Variants in BCAS3 observed in about 807,000 individuals in gnomAD.
BCAS3 encodes BCAS3 microtubule associated cell migration factor.
In BCAS3, 53 loss-of-function variants were observed where a neutral mutation model predicts 116.1. The ratio of observed to expected loss-of-function variants is 0.46; its 90% CI spans 0.37 to 0.57. The LOEUF (loss-of-function observed/expected upper bound fraction) is 0.57. BCAS3 is among the 20% of genes least tolerant of loss of function. The pLI is 0.00. For missense variants in BCAS3, 917 were observed against 1,165.4 expected (o/e 0.79, Z 3.10); for synonymous variants, 391 against 408.2 (o/e 0.96, Z 0.51).
chr17:61,030,938 C>A lies in BCAS3; in HGVS notation c.1638-3728C>A, dbSNP rs559503983. On this transcript the variant is annotated intron_variant, in intron 16 of 23. Coordinates refer to ENST00000407086, the MANE Select transcript of BCAS3 (RefSeq NM_017679.5). ...GAGTCCATCGAGAGTATGTCTTGTTCTCATGTATAACCATTTTAAAAAAAA... is the reference window on the plus strand; with the variant it reads ...GAGTCCATCGAGAGTATGTCTTGTTATCATGTATAACCATTTTAAAAAAAA... Among the ~76,000 whole-genome samples, 39 of 151,596 alleles carry A rather than the reference C, an allele frequency of 2.6e-4. No homozygotes were observed. In the Middle Eastern group the frequency reaches 0.02, roughly 79 times the overall value.
chr17:61,087,953 C>T lies in BCAS3; in HGVS notation c.2425+3389C>T, dbSNP rs536980914. Among the ~76,000 whole-genome samples the T allele has an allele frequency of 2.0e-5, 3 of 152,122 alleles. No homozygotes were observed. The highest frequency in any genetic ancestry group is 4.1e-4 in the South Asian group (2 of 4,822). Reference sequence around the variant, plus strand: ...ATCCTAGCACTTTGGGAGGCCGAAGCGGTGGATCACTTGAGGTCAGGTGTT... The same window carrying T: ...ATCCTAGCACTTTGGGAGGCCGAAGTGGTGGATCACTTGAGGTCAGGTGTT... On this transcript the variant is annotated intron_variant, in intron 22 of 23. Coordinates refer to ENST00000407086, the MANE Select transcript of BCAS3 (RefSeq NM_017679.5). This position sits in a 1 kb window ranked among gnomAD's most constrained non-coding sequence, Gnocchi z 4.6.
At chr17:61,267,890 G>T (rs141301438) in intron 22 of BCAS3, among the ~76,000 whole-genome samples, 140 of 152,136 alleles carry the variant, frequency 9.2e-4, no homozygotes, top group African/African-American at 3.0e-3. Context: ...CCACGTCCGA[G>T]AACCTGTCCT....
At chr17:61,389,192 A>C (rs1363008682) in intron 23 of BCAS3, 2 of 157,970 alleles carry the variant, frequency 1.3e-5, no homozygotes, top group African/African-American at 4.8e-5. Flanking sequence ...GGGCTCACAG[A>C]GGAGTGGACA....
chr17:60,845,314 T>A (rs945003610), intron 7 of BCAS3, among the ~76,000 whole-genome samples: 5 of 152,220 alleles, frequency 3.3e-5, no homozygotes, highest in African/African-American at 1.2e-4. Flanking sequence ...GATAAAAGTT[T>A]GAACTTCATG....
intron 22 of BCAS3, among the ~76,000 whole-genome samples, chr17:61,298,210 A>G (rs951954253): frequency 2.6e-5 from 4 of 152,196 alleles, no homozygotes; most frequent in African/African-American, 9.7e-5. Context: ...AGGCCTGGAC[A>G]TCAGCAAAAC....
chr17:61,317,533 G>A (rs2054847388), intron 22 of BCAS3, among the ~76,000 whole-genome samples: 1 of 152,148 alleles, frequency 6.6e-6, no homozygotes. Flanking sequence ...GCAACATGGA[G>A]GGCTTCATTG....
At chr17:60,831,539 G>A (rs1196394458) in intron 7 of BCAS3, among the ~76,000 whole-genome samples, 2 of 152,198 alleles carry the variant, frequency 1.3e-5, no homozygotes, top group African/African-American at 2.4e-5. Flanking sequence ...GTTGTGACAA[G>A]TGGTTTTCTT....
intron 5 of BCAS3, among the ~76,000 whole-genome samples, chr17:60,733,118 T>C (rs2040625147): frequency 6.6e-6 from 1 of 152,224 alleles, no homozygotes; most frequent in Non-Finnish European, 1.5e-5. Context: ...TATACAATTA[T>C]ACATTTAACA....
chr17:60,976,226 G>A (rs1483396058), intron 14 of BCAS3, among the ~76,000 whole-genome samples: 3 of 150,452 alleles, frequency 2.0e-5, no homozygotes, highest in East Asian at 3.9e-4. Context: ...GGGTTTCACC[G>A]TGTTAGCCAG....
intron 22 of BCAS3, among the ~76,000 whole-genome samples, chr17:61,290,984 G>T (rs914956348): frequency 3.9e-5 from 6 of 152,116 alleles, no homozygotes; most frequent in Non-Finnish European, 7.4e-5. Context: ...GTTTCACCAT[G>T]TTAGCCAGGA....
intron 22 of BCAS3, among the ~76,000 whole-genome samples, chr17:61,218,565 C>T (rs1217723972): frequency 1.3e-5 from 2 of 152,178 alleles, no homozygotes; most frequent in African/African-American, 2.4e-5. Context: ...TGGATCTGCA[C>T]AGTTGCCTGC....
chr17:60,727,732 G>T (rs980752551), intron 5 of BCAS3, among the ~76,000 whole-genome samples: 5 of 151,598 alleles, frequency 3.3e-5, no homozygotes, highest in African/African-American at 1.2e-4. Context: ...TACAATCCAT[G>T]AACATACATT....
At position 61,041,412 on chromosome 17, in the gene BCAS3, T is replaced by C. The variant is rs924955082; in HGVS notation, c.2029+520T>C. 3.5e-4 allele frequency among the ~76,000 whole-genome samples: 54 copies of C among 152,158 alleles called. No homozygotes were observed. Among genetic ancestry groups the C allele is most frequent in the African/African-American group, 1.3e-3 (52 of 41,470 alleles). ...TTTAAGCGTGAGCATTTGTAGAGAC[T>C]GAACCAAGTTCATTGACCTAGATAA... On this transcript the variant is annotated intron_variant, in intron 19 of 23. Transcript: ENST00000407086. The surrounding 1 kb of genome is among the most constrained non-coding windows in gnomAD (Gnocchi z 4.7).
intron 22 of BCAS3, among the ~76,000 whole-genome samples, chr17:61,240,945 G>A (rs2047459455): frequency 6.6e-6 from 1 of 152,170 alleles, no homozygotes; most frequent in African/African-American, 2.4e-5. Flanking sequence ...AAATAGTTTA[G>A]GCTTTTGATT....
chr17:61,268,411 A>T (rs1156881745), intron 22 of BCAS3, among the ~76,000 whole-genome samples: 1 of 152,108 alleles, frequency 6.6e-6, no homozygotes, highest in Admixed American at 6.6e-5. Context: ...ATTATTTTTT[A>T]AATTGTCATA....
intron 10 of BCAS3, chr17:60,899,789 C>T (rs1393872618): frequency 1.3e-5 from 2 of 152,222 alleles, no homozygotes; most frequent in Non-Finnish European, 2.9e-5. Flanking sequence ...AGCCACCACT[C>T]CAGGCCCCTG....
rs766825852 is a variant in BCAS3 at position 60,960,765 on chromosome 17, CCTT to C, written c.1221+13423_1221+13425del. ...TGGAATTTTGCAAGTCCAGTAGCTG[CCTT>C]CTTCTTCTTTTTCTTTTTTTTTTTT... On this transcript the variant is annotated intron_variant, in intron 14 of 23. Transcript: ENST00000407086. This position sits in a 1 kb window ranked among gnomAD's most constrained non-coding sequence, Gnocchi z 4.1. Among the ~76,000 whole-genome samples the C allele has an allele frequency of 8.6e-5, 13 of 151,736 alleles. No individual in the cohort carries two copies. Among genetic ancestry groups the C allele is most frequent in the South Asian group, 2.1e-4 (1 of 4,806 alleles).
At chr17:60,807,781 C>CA (rs75176396) in intron 6 of BCAS3, among the ~76,000 whole-genome samples, 1,092 of 64,254 alleles carry the variant, frequency 0.017, 10 homozygotes, top group African/African-American at 0.054. Flanking sequence ...GACTCTGTCT[C>CA]AAAAAAAAAA....
intron 7 of BCAS3, among the ~76,000 whole-genome samples, chr17:60,854,033 A>G (rs1170722963): frequency 6.6e-6 from 1 of 152,006 alleles, no homozygotes; most frequent in Non-Finnish European, 1.5e-5. Flanking sequence ...TTTATCTCCT[A>G]ATGCTATCCT....
Sources: gnomAD v4.1 joint callset for allele counts (sites outside exome capture counted in the v4.1 genomes callset) on GRCh38, gnomAD v4.1.1 for gene constraint, Gnocchi (gnomAD v3.1) non-coding constraint, MANE v1.5 for transcripts, NCBI Gene and HGNC (gene_info 2026-07-23, HGNC 2026-07-21) for gene names.